Variants in PDXK observed in about 807,000 individuals in gnomAD.
PDXK encodes the protein epididymis secretory sperm binding protein Li 1a.
In PDXK, 15 loss-of-function variants were observed where a neutral mutation model predicts 43.2. The ratio of observed to expected loss-of-function variants is 0.35; its 90% CI spans 0.23 to 0.53. The LOEUF (loss-of-function observed/expected upper bound fraction) is 0.53. Among genes scored for constraint, PDXK ranks in the 20% least tolerant of loss-of-function variants. PDXK has a pLI of 0.92. For synonymous variants in PDXK, 172 were observed against 165.4 expected (o/e 1.04, Z -0.31); for missense variants, 343 against 417.0 (o/e 0.82, Z 1.54).
In PDXK at chr21:43,741,746, G is replaced by A. The variant is rs146190409; in HGVS notation, c.222G>A (p.Met74Ile). 3.1e-6 allele frequency: 5 copies of A among 1,610,620 alleles called. No homozygotes were observed. The highest frequency in any genetic ancestry group is 2.7e-5 in the African/African-American group (2 of 74,938). ...ELYEGLRLNNMNKYDYVLTGY... is the reference protein window; with the variant it reads ...ELYEGLRLNNINKYDYVLTGY... The stretch of plus-strand genomic sequence containing the variant: ...ACGAAGGCCTGAGGCTGAACAACAT[G>A]AATAAATATGACTACGTGCTCACAG... Residue 74 changes from methionine to isoleucine, a missense_variant, in exon 3 of 11, where the codon ATG becomes ATA. By Grantham distance (10) the Met-to-Ile change is conservative. Coordinates refer to ENST00000291565, the MANE Select transcript of PDXK (RefSeq NM_003681.5).
Position 43,732,630 on chromosome 21 carries a change from T to C in PDXK, c.88-1439T>C, listed in dbSNP as rs779288604. On this transcript the variant is annotated intron_variant, in intron 1 of 10. Coordinates refer to ENST00000291565, the MANE Select transcript of PDXK (RefSeq NM_003681.5). The surrounding 1 kb of genome is among the most constrained non-coding windows in gnomAD (Gnocchi z 4.1). The stretch of plus-strand genomic sequence containing the variant: ...GGATTTGTGTCATCGTTGCTTAATA[T>C]CTGTTTCTTCACAGTCGGTTAGAAT... 1.0e-5 allele frequency: 8 copies of C among 783,326 alleles called. No homozygotes were observed. The highest frequency in any genetic ancestry group is 1.7e-5 in the Non-Finnish European group (7 of 421,346). 48.5% of individuals were successfully genotyped at this position (783,326 alleles called of 1,614,324 possible).
chr21:43,740,419 C>T (rs1233173342), intron 2 of PDXK, among the ~76,000 whole-genome samples: 1 of 152,118 alleles, frequency 6.6e-6, no homozygotes, highest in African/African-American at 2.4e-5. Flanking sequence ...GGAACCCATA[C>T]ATCAGTTTTC....
At position 43,728,654 on chromosome 21, in the gene PDXK, C is replaced by A. The variant is rs1013979122; in HGVS notation, c.88-5415C>A. ...TGGGATGCTGCCGATAAGGCGCGCA[C>A]GTGGGCCCTGGGAGGAGCCCGAGGC... On this transcript the variant is annotated intron_variant, in intron 1 of 10. Coordinates refer to ENST00000291565, the MANE Select transcript of PDXK (RefSeq NM_003681.5). The A allele has an allele frequency of 7.6e-5, 71 of 929,224 alleles. No homozygotes were observed. In the African/African-American group the frequency reaches 1.2e-3, roughly 16 times the overall value. 57.6% of individuals were successfully genotyped at this position (929,224 alleles called of 1,614,324 possible). A position where few individuals can be genotyped will look rare whatever the true frequency, so the allele number is the denominator to read the frequency against.
At chr21:43,750,462 C>T (rs909465277) in intron 6 of PDXK, 38 bp from the exon 7 acceptor site, 24 of 1,576,374 alleles carry the variant, frequency 1.5e-5, no homozygotes, top group South Asian at 5.7e-5. Flanking sequence ...AGGAGAGGCT[C>T]ACCTGTCCCC....
In PDXK at chr21:43,734,786, C is replaced by T. The variant is rs778131195; in HGVS notation, c.142+663C>T. Among the ~76,000 whole-genome samples, 15 of 152,230 alleles carry T rather than the reference C, an allele frequency of 9.9e-5. No homozygotes were observed. The highest frequency in any genetic ancestry group is 5.2e-4 in the Admixed American group (8 of 15,300). ...GGGGGTGGAGGTGCGTGGAGTCCCC[C>T]CTCCTCTCTGTGGTTTCTATACTGC... On this transcript the variant is annotated intron_variant, in intron 2 of 10. Transcript: ENST00000291565. The surrounding 1 kb of genome is among the most constrained non-coding windows in gnomAD (Gnocchi z 5.0).
intron 1 of PDXK, 178 bp downstream of exon 1, chr21:43,719,559 G>C: frequency 1.0e-6 from 1 of 973,284 alleles, no homozygotes; most frequent in Non-Finnish European, 1.2e-6. Context: ...TGCGGGGGCG[G>C]AAGCGGAGGG....
intron 1 of PDXK, chr21:43,728,788 G>A: frequency 1.0e-6 from 1 of 985,796 alleles, no homozygotes; most frequent in Non-Finnish European, 1.2e-6. Context: ...CGGGCGGCAG[G>A]GGGAAGGGAG....
chr21:43,740,749 C>G (rs1269990598), intron 2 of PDXK, among the ~76,000 whole-genome samples: 2 of 151,882 alleles, frequency 1.3e-5, no homozygotes, highest in African/African-American at 4.8e-5. Context: ...GTTGTATACA[C>G]CTGGGCTGAG....
intron 7 of PDXK, among the ~76,000 whole-genome samples, chr21:43,751,230 G>T (rs1169557295): frequency 6.6e-6 from 1 of 152,196 alleles, no homozygotes; most frequent in Non-Finnish European, 1.5e-5. Context: ...GTGACAAAAT[G>T]CCTGAGACTG....
In PDXK at chr21:43,735,893, G is replaced by A. The variant is rs1486474543; in HGVS notation, c.142+1770G>A. Among the ~76,000 whole-genome samples the A allele has an allele frequency of 1.3e-5, 2 of 152,066 alleles. No individual in the cohort carries two copies. Among genetic ancestry groups the A allele is most frequent in the Non-Finnish European group, 2.9e-5 (2 of 67,986 alleles). ...CCCTTCTGCCTGCTCCCCTTCCCTCGCCCCTGCCACACTGTGCTGCTGGGG... is the reference window on the plus strand; with the variant it reads ...CCCTTCTGCCTGCTCCCCTTCCCTCACCCCTGCCACACTGTGCTGCTGGGG... On this transcript the variant is annotated intron_variant, in intron 2 of 10. Transcript: ENST00000291565. The surrounding 1 kb of genome is among the most constrained non-coding windows in gnomAD (Gnocchi z 5.3).
rs771848735 is a variant in PDXK, at chr21:43,749,057, C to T, written c.441C>T (p.Ile147=). 1.1e-5 allele frequency: 17 copies of T among 1,609,806 alleles called. No homozygotes were observed. The highest frequency in any genetic ancestry group is 1.4e-5 in the Non-Finnish European group (17 of 1,176,408). The change falls in exon 6 of 11, where the codon ATC becomes ATT. Residue 147 remains isoleucine (I), a synonymous_variant. Transcript: ENST00000291565. The part of the protein sequence containing the change: ...KEKVVPLADI[I]TPNQFEAELL... The stretch of plus-strand genomic sequence containing the variant: ...AAGTGGTGCCGCTTGCAGACATTAT[C>T]ACGCCCAACCAGTTTGAGGCCGAGT...
chr21:43,736,310 G>A (rs757698037), intron 2 of PDXK, among the ~76,000 whole-genome samples: 4 of 152,128 alleles, frequency 2.6e-5, no homozygotes, highest in Non-Finnish European at 5.9e-5. Flanking sequence ...CCAGGGCTGC[G>A]CTCCCCGGGC....
intron 1 of PDXK, among the ~76,000 whole-genome samples, chr21:43,726,556 G>A (rs947600319): frequency 6.6e-6 from 1 of 152,066 alleles, no homozygotes; most frequent in African/African-American, 2.4e-5. Flanking sequence ...GATTACGGCT[G>A]AGCCACCGCG....
At chr21:43,744,828 C>T (rs1003620457) in intron 4 of PDXK, among the ~76,000 whole-genome samples, 1 of 152,204 alleles carries the variant, frequency 6.6e-6, no homozygotes, top group Admixed American at 6.5e-5. Flanking sequence ...TCTATAGCAG[C>T]GTTGTTCCCA....
Position 43,756,164 on chromosome 21 carries a change from A to G in PDXK, c.*101A>G. Reference sequence around the variant, plus strand: ...GCCTTAGAGCCATGACCGAAACTTGATATTTTTTTCTTTCATGAGTGTCCG... The same window carrying G: ...GCCTTAGAGCCATGACCGAAACTTGGTATTTTTTTCTTTCATGAGTGTCCG... On this transcript the variant is annotated 3_prime_UTR_variant, in exon 11 of 11. Coordinates refer to ENST00000291565, the MANE Select transcript of PDXK (RefSeq NM_003681.5). The G allele has an allele frequency of 3.0e-6, 2 of 673,434 alleles. No homozygotes were observed. The highest frequency in any genetic ancestry group is 2.6e-5 in the Admixed American group (1 of 38,034). 41.7% of individuals were successfully genotyped at this position (673,434 alleles called of 1,614,324 possible).
At chr21:43,755,059 A>G (rs905720276) in intron 9 of PDXK, among the ~76,000 whole-genome samples, 2 of 152,206 alleles carry the variant, frequency 1.3e-5, no homozygotes, top group Non-Finnish European at 2.9e-5. Flanking sequence ...GAAAAGTGCC[A>G]GCTGGCACCC....
rs529177313 is a variant in PDXK, at chr21:43,756,422, G to T, written c.*359G>T. Reference sequence around the variant, plus strand: ...CGAGTGGGCCCTGGCTGCCACTACCGTACAGAGGCCGTGTCGCGCTGGGCT... The same window carrying T: ...CGAGTGGGCCCTGGCTGCCACTACCTTACAGAGGCCGTGTCGCGCTGGGCT... On this transcript the variant is annotated 3_prime_UTR_variant, in exon 11 of 11. Transcript: ENST00000291565. 3.1e-4 allele frequency: 73 copies of T among 238,330 alleles called. 1 individual carries two copies. In the East Asian group the frequency reaches 7.3e-3, roughly 24 times the overall value. The allele number at this position is 238,330 out of a possible 1,614,324, so 14.8% of individuals were successfully genotyped here.
Position 43,732,021 on chromosome 21 carries a change from G to A in PDXK, c.88-2048G>A. The A allele has an allele frequency of 2.3e-6, 1 of 433,950 alleles. No homozygotes were observed. Among genetic ancestry groups the A allele is most frequent in the Non-Finnish European group, 3.3e-6 (1 of 301,482 alleles). 26.9% of individuals were successfully genotyped at this position (433,950 alleles called of 1,614,324 possible). A position where few individuals can be genotyped will look rare whatever the true frequency, so the allele number is the denominator to read the frequency against. On this transcript the variant is annotated intron_variant, in intron 1 of 10. Transcript: ENST00000291565. The surrounding 1 kb of genome is among the most constrained non-coding windows in gnomAD (Gnocchi z 4.1). ...GAGGAATTCTGCTGGTGGAGGGAAA[G>A]CCACAAAGTGGATTCCGCTGCTGCT...
intron 1 of PDXK, chr21:43,733,512 ATCTG>A (rs2147230669): frequency 3.7e-6 from 1 of 268,394 alleles, no homozygotes; most frequent in East Asian, 1.8e-4. Context: ...CTTCCTCTCC[ATCTG>A]TCTGGAACCC....
Sources: allele counts gnomAD v4.1 joint callset (sites outside exome capture counted in the v4.1 genomes callset), GRCh38; gene constraint gnomAD v4.1.1; non-coding constraint Gnocchi (gnomAD v3.1); transcripts MANE v1.5; gene names NCBI Gene and HGNC (gene_info 2026-07-23, HGNC 2026-07-21).